The following SAMD4A variants were observed in gnomAD, a reference collection of about 807,000 sequenced individuals.
SAMD4A encodes the protein sterile alpha motif domain containing 4A.
In SAMD4A, 33 loss-of-function variants were observed where a neutral mutation model predicts 81.3. The observed-to-expected ratio is 0.41, with a 90% confidence interval of 0.31 to 0.54. The LOEUF is 0.54. Ranked by LOEUF, SAMD4A falls within the 20% of genes least tolerant of loss-of-function variation. The pLI is 0.37. For missense variants in SAMD4A, 854 were observed against 951.1 expected, an observed-to-expected ratio of 0.90 and a Z score of 1.34; for synonymous variants, 389 against 382.1, an observed-to-expected ratio of 1.02 and a Z score of -0.21.
At chr14:54,662,092 C>T (rs1237357097) in intron 2 of SAMD4A, among the ~76,000 whole-genome samples, 2 of 152,216 alleles carry the variant, frequency 1.3e-5, no homozygotes, top group Admixed American at 6.5e-5. Flanking sequence ...GGCCTTTTTA[C>T]TGCAGCTACA....
chr14:54,586,291 T>TATA (rs1292128142), intron 2 of SAMD4A, among the ~76,000 whole-genome samples: 2 of 152,310 alleles, frequency 1.3e-5, no homozygotes, highest in Non-Finnish European at 2.9e-5. Context: ...TTCTTCTTGC[T>TATA]GAGTTGTTTG....
At position 54,776,639 on chromosome 14, in the gene SAMD4A, G is replaced by A. The variant is rs561762690; in HGVS notation, c.2044+99G>A. 342 of 1,306,780 alleles carry A rather than the reference G, an allele frequency of 2.6e-4. 1 individual carries two copies. The African/African-American group carries it at 3.8e-3, about 14-fold the overall frequency. The allele number at this position is 1,306,780 out of a possible 1,614,324, so 80.9% of individuals were successfully genotyped here. A position where few individuals can be genotyped will look rare whatever the true frequency, so the allele number is the denominator to read the frequency against. ...AAAGTGCTTAGCCTCGACTGTCACC[G>A]TGCATTCTTTGGAGCTTATAGAAGC... On this transcript the variant is annotated intron_variant, in intron 11 of 12. Coordinates refer to ENST00000554335, the MANE Select transcript of SAMD4A (RefSeq NM_015589.6).
chr14:54,676,356 C>CT (rs1303946443), intron 2 of SAMD4A, among the ~76,000 whole-genome samples: 1 of 152,006 alleles, frequency 6.6e-6, no homozygotes, highest in Non-Finnish European at 1.5e-5. Flanking sequence ...GCTTTTAGTA[C>CT]TTTCCTTTCT....
At chr14:54,580,370 GCA>G (rs757034319) in intron 2 of SAMD4A, among the ~76,000 whole-genome samples, 13 of 152,176 alleles carry the variant, frequency 8.5e-5, no homozygotes, top group Non-Finnish European at 1.6e-4. Context: ...TCACAATAAA[GCA>G]CAGTTTGTTT....
intron 2 of SAMD4A, among the ~76,000 whole-genome samples, chr14:54,583,454 G>A (rs954589083): frequency 2.0e-5 from 3 of 152,228 alleles, no homozygotes; most frequent in Admixed American, 6.5e-5. Context: ...GGAATGAATG[G>A]TGCCTCTTCA....
chr14:54,768,658 T>A (rs941973929), intron 8 of SAMD4A, among the ~76,000 whole-genome samples: 1 of 152,208 alleles, frequency 6.6e-6, no homozygotes, highest in Admixed American at 6.5e-5. Context: ...TCAGAGGTAC[T>A]CGTGTGTAGC....
chr14:54,583,635 A>T (rs2033537468), intron 2 of SAMD4A, among the ~76,000 whole-genome samples: 1 of 152,160 alleles, frequency 6.6e-6, no homozygotes, highest in Admixed American at 6.5e-5. Context: ...GAATCAGCTC[A>T]GTTACATTTT....
chr14:54,767,704 C>A (rs1214516779), intron 8 of SAMD4A, among the ~76,000 whole-genome samples: 1 of 152,204 alleles, frequency 6.6e-6, no homozygotes, highest in African/African-American at 2.4e-5. Context: ...GGAAGCTGCT[C>A]CCCAGCCCAA....
At chr14:54,768,147 AT>A (rs1187105747) in intron 8 of SAMD4A, among the ~76,000 whole-genome samples, 1 of 152,120 alleles carries the variant, frequency 6.6e-6, no homozygotes, top group Non-Finnish European at 1.5e-5. Context: ...CCAGCTCAGT[AT>A]TATAGTTTAG....
intron 3 of SAMD4A, among the ~76,000 whole-genome samples, chr14:54,707,749 C>T (rs2036894954): frequency 6.6e-6 from 1 of 151,866 alleles, no homozygotes; most frequent in South Asian, 2.1e-4. Flanking sequence ...AAGTGGGCAT[C>T]TGGAGCAAAG....
chr14:54,568,696 T>C (rs1427554453), intron 2 of SAMD4A, among the ~76,000 whole-genome samples: 1 of 5,854 alleles, frequency 1.7e-4, no homozygotes, highest in Non-Finnish European at 3.4e-4. Flanking sequence ...GCAGCATATA[T>C]ATATATATAT....
chr14:54,624,482 A>G (rs955386945), intron 2 of SAMD4A, among the ~76,000 whole-genome samples: 2 of 152,334 alleles, frequency 1.3e-5, no homozygotes, highest in South Asian at 2.1e-4. Flanking sequence ...TTCGAAGACT[A>G]CCTGCCCTGA....
intron 2 of SAMD4A, among the ~76,000 whole-genome samples, chr14:54,617,542 A>T (rs1381034469): frequency 6.6e-6 from 1 of 152,054 alleles, no homozygotes. Flanking sequence ...GTGGCTTCAC[A>T]TTTTTGTCTT....
chr14:54,567,515 A>C lies in SAMD4A; in HGVS notation c.-402A>C. 1 of 208,846 alleles carries C rather than the reference A, an allele frequency of 4.8e-6. No homozygotes were observed. The allele number at this position is 208,846 out of a possible 1,614,324, so 12.9% of individuals were successfully genotyped here. On this transcript the variant is annotated 5_prime_UTR_variant, in exon 2 of 13. An upstream start codon of the reference 5' UTR is lost. Coordinates refer to ENST00000554335, the MANE Select transcript of SAMD4A (RefSeq NM_015589.6). ...TTCCAGTGGTGATCGCCGCTCGGGA[A>C]TGCGGGCGTGAAGGGTCCGAGTTGC... is the stretch of plus-strand genomic sequence containing the variant.
At chr14:54,764,258 G>A (rs117518151) in intron 7 of SAMD4A, among the ~76,000 whole-genome samples, 197 bp from the exon 8 acceptor site, 2,888 of 152,262 alleles carry the variant, frequency 0.019, 54 homozygotes, top group Middle Eastern at 0.041. Context: ...GGGGCTTCTC[G>A]AGACAAGGGC....
chr14:54,786,021 C>G (rs975889263), intron 12 of SAMD4A, among the ~76,000 whole-genome samples: 2 of 152,226 alleles, frequency 1.3e-5, no homozygotes, highest in African/African-American at 4.8e-5. Flanking sequence ...GAGGTGCTGC[C>G]AGCTCATCTT....
At chr14:54,745,571 C>T (rs6572972) in intron 4 of SAMD4A, among the ~76,000 whole-genome samples, 17,474 of 152,250 alleles carry the variant, frequency 0.11, 1,180 homozygotes, top group Middle Eastern at 0.16. Flanking sequence ...CAGCCATTCT[C>T]TCTAGATTAA....
Position 54,577,381 on chromosome 14 carries a change from C to T in SAMD4A, c.196+9269C>T, listed in dbSNP as rs151097686. Reference sequence around the variant, plus strand: ...CCACAGCAAGGGCTGCAGTGTTATCCAAGCTAAGAAGGTGTTTGTAAAGTC... The same window carrying T: ...CCACAGCAAGGGCTGCAGTGTTATCTAAGCTAAGAAGGTGTTTGTAAAGTC... On this transcript the variant is annotated intron_variant, in intron 2 of 12. Coordinates refer to ENST00000554335, the MANE Select transcript of SAMD4A (RefSeq NM_015589.6). Among the ~76,000 whole-genome samples, 952 of 152,294 alleles carry T rather than the reference C, an allele frequency of 6.3e-3. 20 individuals carry two copies. Among genetic ancestry groups the T allele is most frequent in the African/African-American group, 0.022 (910 of 41,548 alleles).
chr14:54,629,668 T>C (rs1200243412), intron 2 of SAMD4A, among the ~76,000 whole-genome samples: 1 of 152,240 alleles, frequency 6.6e-6, no homozygotes, highest in African/African-American at 2.4e-5. Context: ...TAAAAATTTT[T>C]TTTTCAATTG....
Sources: allele counts gnomAD v4.1 joint callset (sites outside exome capture counted in the v4.1 genomes callset), GRCh38; gene constraint gnomAD v4.1.1; transcripts MANE v1.5; gene names NCBI Gene and HGNC (gene_info 2026-07-23, HGNC 2026-07-21).